NFAT5: variants seen among roughly 807,000 people sequenced by gnomAD.
NFAT5 encodes the protein nuclear factor of activated T cells 5.
In NFAT5, 31 loss-of-function variants were observed where a neutral mutation model predicts 166.5. The observed-to-expected ratio is 0.19, with a 90% CI of 0.14 to 0.25. The LOEUF (loss-of-function observed/expected upper bound fraction) is 0.25. NFAT5 is among the 10% of genes least tolerant of loss of function. The probability of loss-of-function intolerance (pLI) is 1.00; values close to 1 mark genes in which losing one functional copy is unlikely to be tolerated. For missense variants in NFAT5, 1,449 were observed against 1,821.8 expected (o/e 0.80, Z 3.72); for synonymous variants, 612 against 639.7 (o/e 0.96, Z 0.65).
At chr16:69,694,887 G>A (rs1309868860) in intron 13 of NFAT5, among the ~76,000 whole-genome samples, 2 of 152,174 alleles carry the variant, frequency 1.3e-5, no homozygotes, top group Non-Finnish European at 2.9e-5. Context: ...TGATATTTAA[G>A]CAAAGTTGTA....
intron 2 of NFAT5, among the ~76,000 whole-genome samples, chr16:69,597,386 CTT>C (rs2032858340): frequency 6.6e-6 from 1 of 152,070 alleles, no homozygotes; most frequent in Non-Finnish European, 1.5e-5. Flanking sequence ...ATATATATCT[CTT>C]GCGATTTCCT....
At chr16:69,613,508 G>GT (rs1259154853) in intron 2 of NFAT5, among the ~76,000 whole-genome samples, 5 of 152,164 alleles carry the variant, frequency 3.3e-5, no homozygotes, top group Non-Finnish European at 7.3e-5. Flanking sequence ...GTTACTGCTT[G>GT]TAACTTCCGT....
rs2037586435 is a variant in NFAT5 at position 69,692,484 on chromosome 16, C to G, written c.2659C>G (p.His887Asp). The change falls in exon 13 of 15, where the codon CAT (histidine) becomes GAT (aspartate). Residue 887 changes from histidine (H) to aspartate (D), a missense_variant. His to Asp is a moderately conservative substitution (Grantham distance 81). Around this residue, in one of 7 missense-constraint regions of NFAT5, gnomAD observed 891 missense variants for 993.0 expected, o/e 0.90. Coordinates refer to ENST00000349945, the MANE Select transcript of NFAT5 (RefSeq NM_138713.4). ...ATTACCTGGAAGAGCTGAAAGTGTTCATCCACAGTCTGAAAACACGTTATC... is the reference window on the plus strand; with the variant it reads ...ATTACCTGGAAGAGCTGAAAGTGTTGATCCACAGTCTGAAAACACGTTATC... ...NLLPGRAESV[H>D]PQSENTLSNQ... is the part of the protein sequence containing the mutation. 1 of 1,614,046 alleles carries G rather than the reference C, an allele frequency of 6.2e-7. No individual in the cohort carries two copies. The highest frequency in any genetic ancestry group is 1.7e-5 in the Admixed American group (1 of 59,996).
chr16:69,594,981 C>T (rs1372634754), intron 2 of NFAT5, among the ~76,000 whole-genome samples: 3 of 152,138 alleles, frequency 2.0e-5, no homozygotes, highest in African/African-American at 4.8e-5. Context: ...AGTCTTTTCA[C>T]GTTCTTCTGC....
At chr16:69,622,369 CT>C (rs2034239088) in intron 2 of NFAT5, among the ~76,000 whole-genome samples, 1 of 152,184 alleles carries the variant, frequency 6.6e-6, no homozygotes, top group African/African-American at 2.4e-5. Context: ...GGCAGGCTGA[CT>C]TCTTTTATTT....
At position 69,697,739 on chromosome 16, in the gene NFAT5, T is replaced by A. The variant is rs1182002102; in HGVS notation, c.*1388T>A. On this transcript the variant is annotated 3_prime_UTR_variant, in exon 15 of 15. Coordinates refer to ENST00000349945, the MANE Select transcript of NFAT5 (RefSeq NM_138713.4). The stretch of plus-strand genomic sequence containing the variant: ...TTCTTGCCACCCGTGGGATGCCTGC[T>A]TCTCACTACCACCTGTGTCTGGACA... The A allele has an allele frequency of 1.3e-5, 2 of 152,646 alleles. No individual in the cohort carries two copies. Among genetic ancestry groups the A allele is most frequent in the Non-Finnish European group, 2.9e-5 (2 of 68,046 alleles). The allele number at this position is 152,646 out of a possible 1,614,324, so 9.5% of individuals were successfully genotyped here.
At chr16:69,619,041 A>G (rs1307506679) in intron 2 of NFAT5, among the ~76,000 whole-genome samples, 3 of 152,204 alleles carry the variant, frequency 2.0e-5, no homozygotes, top group Non-Finnish European at 4.4e-5. Flanking sequence ...TATAGATGCA[A>G]GTCCATAGTA....
Position 69,693,217 on chromosome 16 carries a change from A to G in NFAT5, c.3392A>G (p.Gln1131Arg), listed in dbSNP as rs1448630284. 6 of 1,614,084 alleles carry G rather than the reference A, an allele frequency of 3.7e-6. No individual in the cohort carries two copies. The highest frequency in any genetic ancestry group is 4.2e-6 in the Non-Finnish European group (5 of 1,180,052). ...QTSTTSSEQM[Q>R]PPMFHSQSTI... ...TCTACAACCTCCTCTGAACAAATGC[A>G]GCCTCCAATGTTTCACTCTCAAAGT... The change falls in exon 13 of 15, where the codon CAG becomes CGG. Residue 1131 changes from glutamine to arginine, a missense_variant. Around this residue, in one of 7 missense-constraint regions of NFAT5, gnomAD observed 891 missense variants for 993.0 expected, o/e 0.90. Transcript: ENST00000349945.
chr16:69,670,660 C>A (rs2036589437), intron 9 of NFAT5, among the ~76,000 whole-genome samples: 1 of 152,128 alleles, frequency 6.6e-6, no homozygotes, highest in Admixed American at 6.6e-5. Context: ...ATTTGTTAAA[C>A]CTTCTTGTGT....
At chr16:69,605,966 G>A (rs1163721428) in intron 2 of NFAT5, among the ~76,000 whole-genome samples, 1 of 152,138 alleles carries the variant, frequency 6.6e-6, no homozygotes, top group Non-Finnish European at 1.5e-5. Context: ...ACCCGCCTCG[G>A]CCTCCCAAAG....
chr16:69,641,277 CAAAAAAA>C (rs60281310), intron 3 of NFAT5, among the ~76,000 whole-genome samples: 5 of 72,882 alleles, frequency 6.9e-5, no homozygotes, highest in South Asian at 4.7e-4. Context: ...GACTCCGTCT[CAAAAAAA>C]AAAAAAAAAA....
At chr16:69,660,362 CAAGGCTGCAGTG>C (rs2036070020) in intron 7 of NFAT5, among the ~76,000 whole-genome samples, 1 of 152,020 alleles carries the variant, frequency 6.6e-6, no homozygotes, top group African/African-American at 2.4e-5. Context: ...CCTAGGAGGT[CAAGGCTGCAGTG>C]AGCCTTGAGC....
chr16:69,623,193 ACT>A (rs1015713898), intron 2 of NFAT5, among the ~76,000 whole-genome samples: 8 of 152,166 alleles, frequency 5.3e-5, no homozygotes, highest in African/African-American at 1.7e-4. Flanking sequence ...TGTCTAAGGA[ACT>A]CTTATTTTCA....
At chr16:69,657,431 CAT>C (rs2035928190) in intron 6 of NFAT5, among the ~76,000 whole-genome samples, 1 of 150,130 alleles carries the variant, frequency 6.7e-6, no homozygotes, top group Non-Finnish European at 1.5e-5. Flanking sequence ...TGCCTGGCCT[CAT>C]AAATATTTTT....
At chr16:69,642,783 C>CTCTA (rs774623054) in intron 3 of NFAT5, among the ~76,000 whole-genome samples, 29 of 151,076 alleles carry the variant, frequency 1.9e-4, no homozygotes, top group South Asian at 8.4e-4. Context: ...TGCCACTGTA[C>CTCTA]TCTAGCCTTG....
At position 69,693,915 on chromosome 16, in the gene NFAT5, T is replaced by C. The variant is rs1374961274; in HGVS notation, c.4090T>C (p.Ser1364Pro). The change falls in exon 13 of 15, where the codon TCA becomes CCA. Residue 1364 changes from serine to proline, a missense_variant. Ser to Pro is a moderately conservative substitution (Grantham distance 74, BLOSUM62 -1). Coordinates refer to ENST00000349945, the MANE Select transcript of NFAT5 (RefSeq NM_138713.4). The part of the protein sequence containing the change: ...LQNPGPTQSE[S>P]SQTPLFHSSP... Reference sequence around the variant, plus strand: ...GAACCCAGGTCCTACCCAGTCGGAATCATCACAGACCCCCTTGTTCCATAG... The same window carrying C: ...GAACCCAGGTCCTACCCAGTCGGAACCATCACAGACCCCCTTGTTCCATAG... The C allele has an allele frequency of 1.2e-6, 2 of 1,614,222 alleles. No homozygotes were observed. The highest frequency in any genetic ancestry group is 1.1e-5 in the South Asian group (1 of 91,082).
At chr16:69,678,076 T>A (rs975374682) in intron 10 of NFAT5, among the ~76,000 whole-genome samples, 6 of 151,784 alleles carry the variant, frequency 4.0e-5, no homozygotes, top group African/African-American at 7.3e-5. Flanking sequence ...GAGAATTGCC[T>A]GAACCTGGGA....
chr16:69,580,780 C>G (rs894627186), intron 2 of NFAT5, among the ~76,000 whole-genome samples: 1 of 151,936 alleles, frequency 6.6e-6, no homozygotes, highest in Non-Finnish European at 1.5e-5. Flanking sequence ...CTCAGCCTCC[C>G]GAGTAGCTGG....
At chr16:69,688,202 C>CAAAAAAAAAAAAAAAAAAAAAA (rs1188158260) in intron 11 of NFAT5, among the ~76,000 whole-genome samples, 7 of 49,482 alleles carry the variant, frequency 1.4e-4, no homozygotes, top group African/African-American at 1.9e-4. Context: ...GACTCCGTCT[C>CAAAAAAAAAAAAAAAAAAAAAA]AAAAAAAAAA....
Sources: gnomAD v4.1 joint callset for allele counts (sites outside exome capture counted in the v4.1 genomes callset) on GRCh38, gnomAD v4.1.1 for gene constraint, gnomAD v4.1.1 regional missense constraint, MANE v1.5 for transcripts, NCBI Gene and HGNC (gene_info 2026-07-23, HGNC 2026-07-21) for gene names.